The following TRAF3IP1 variants were observed in gnomAD, a reference collection of about 807,000 sequenced individuals.
TRAF3IP1 encodes intraflagellar transport 54.
Under a neutral mutation model 89.9 loss-of-function variants are expected in TRAF3IP1, and 53 were observed. The observed-to-expected ratio is 0.59, with a 90% CI of 0.47 to 0.74. The LOEUF (loss-of-function observed/expected upper bound fraction) is 0.74, where lower values mean the gene tolerates loss of function less well. TRAF3IP1 is among the 30% of genes least tolerant of loss of function. The pLI, the probability that TRAF3IP1 is intolerant of heterozygous loss-of-function variation, is 0.00. For synonymous variants in TRAF3IP1, 311 were observed against 322.1 expected, an observed-to-expected ratio of 0.97 and a Z score of 0.37; for missense variants, 806 against 866.1, an observed-to-expected ratio of 0.93 and a Z score of 0.87.
At chr2:238,377,717 G>T in intron 15 of TRAF3IP1, among the ~76,000 whole-genome samples, 1 of 152,040 alleles carries the variant, frequency 6.6e-6, no homozygotes, top group East Asian at 1.9e-4. Flanking sequence ...AGAATGAATT[G>T]AGGATATTCT....
intron 10 of TRAF3IP1, among the ~76,000 whole-genome samples, chr2:238,347,878 C>T (rs867961942): frequency 1.3e-4 from 20 of 152,128 alleles, no homozygotes; most frequent in Middle Eastern, 3.2e-3. Flanking sequence ...CCACCTGCCT[C>T]GGCCTCCCAA....
chr2:238,321,962 C>G (rs1297307780), intron 1 of TRAF3IP1, among the ~76,000 whole-genome samples: 1 of 152,204 alleles, frequency 6.6e-6, no homozygotes, highest in African/African-American at 2.4e-5. Context: ...GAGCGTGTGC[C>G]TCTGTGTTAA....
chr2:238,322,800 T>C (rs1697623178), intron 1 of TRAF3IP1, among the ~76,000 whole-genome samples: 1 of 150,388 alleles, frequency 6.6e-6, no homozygotes. Flanking sequence ...TCTTCTCCCA[T>C]AGACTTCCTC....
chr2:238,392,179 TGGGCA>T (rs1271744429), intron 15 of TRAF3IP1, among the ~76,000 whole-genome samples: 1 of 152,166 alleles, frequency 6.6e-6, no homozygotes, highest in Non-Finnish European at 1.5e-5. Flanking sequence ...GCGTTCAGCC[TGGGCA>T]ACACAGTGAA....
chr2:238,366,570 ATGAT>A (rs1190653411), intron 15 of TRAF3IP1, among the ~76,000 whole-genome samples: 2 of 152,200 alleles, frequency 1.3e-5, no homozygotes, highest in African/African-American at 2.4e-5. Flanking sequence ...TACTCAGTGA[ATGAT>A]AATATAATCA....
At chr2:238,383,756 C>G (rs1443026536) in intron 15 of TRAF3IP1, among the ~76,000 whole-genome samples, 1 of 152,140 alleles carries the variant, frequency 6.6e-6, no homozygotes, top group Non-Finnish European at 1.5e-5. Context: ...GGAGCTAAAC[C>G]CGTTTTATTA....
intron 6 of TRAF3IP1, among the ~76,000 whole-genome samples, chr2:238,333,623 G>A (rs968878250): frequency 3.3e-5 from 5 of 152,172 alleles, no homozygotes; most frequent in African/African-American, 1.2e-4. Flanking sequence ...GCTTACAAGT[G>A]CATTTAAGTA....
At chr2:238,331,477 A>AAAC (rs978138915) in intron 5 of TRAF3IP1, among the ~76,000 whole-genome samples, 6 of 152,136 alleles carry the variant, frequency 3.9e-5, no homozygotes, top group African/African-American at 1.2e-4. Flanking sequence ...ACTCCGTCTC[A>AAAC]AACAACAACA....
chr2:238,338,764 CAT>C (rs1698501306), intron 8 of TRAF3IP1, among the ~76,000 whole-genome samples: 1 of 152,228 alleles, frequency 6.6e-6, no homozygotes, highest in Non-Finnish European at 1.5e-5. Flanking sequence ...TGGCTGATGA[CAT>C]AGAGAAACGG....
intron 15 of TRAF3IP1, among the ~76,000 whole-genome samples, chr2:238,376,826 C>T (rs939660038): frequency 6.6e-6 from 1 of 152,322 alleles, no homozygotes; most frequent in Admixed American, 6.5e-5. Flanking sequence ...TGAGTCTTTT[C>T]TGTTTTCTTC....
chr2:238,379,113 C>T lies in TRAF3IP1; in HGVS notation c.1690-18346C>T, dbSNP rs1344834051. On this transcript the variant is annotated intron_variant, in intron 15 of 16. Transcript: ENST00000373327. The surrounding 1 kb of genome is among the most constrained non-coding windows in gnomAD (Gnocchi z 4.0). ...GTTCTCCTTGTTTCCTGTCGACTCA[C>T]TCTTTGGTCGTCTGTGTGTCACTGG... Among the ~76,000 whole-genome samples the T allele has an allele frequency of 6.6e-6, 1 of 152,210 alleles. No homozygotes were observed. Among genetic ancestry groups the T allele is most frequent in the Non-Finnish European group, 1.5e-5 (1 of 68,044 alleles).
intron 3 of TRAF3IP1, among the ~76,000 whole-genome samples, chr2:238,326,634 T>TC (rs1697847818): frequency 6.6e-6 from 1 of 152,164 alleles, no homozygotes; most frequent in African/African-American, 2.4e-5. Context: ...CCCAGGGTCT[T>TC]CCTTCTTTTG....
chr2:238,363,650 C>A (rs1178427755), intron 15 of TRAF3IP1, among the ~76,000 whole-genome samples: 2 of 152,116 alleles, frequency 1.3e-5, no homozygotes, highest in African/African-American at 4.8e-5. Flanking sequence ...GTTGATTTCA[C>A]AGAGAGGCAA....
chr2:238,341,546 T>A (rs71402781), intron 8 of TRAF3IP1, among the ~76,000 whole-genome samples: 1,515 of 137,548 alleles, frequency 0.011, 6 homozygotes, highest in Non-Finnish European at 0.015. Context: ...TTTTTTTTTT[T>A]AAAAAAAAAA....
intron 15 of TRAF3IP1, 159 bp from the exon 16 acceptor site, chr2:238,397,300 A>T: frequency 1.6e-6 from 1 of 625,750 alleles, no homozygotes; most frequent in Non-Finnish European, 2.8e-6. Context: ...GTTAGGCAGC[A>T]TGGCTCTCCC....
chr2:238,385,575 G>A (rs1478799535), intron 15 of TRAF3IP1, among the ~76,000 whole-genome samples: 21 of 152,198 alleles, frequency 1.4e-4, no homozygotes, highest in Non-Finnish European at 4.4e-5. Flanking sequence ...CTACAGTCAG[G>A]AACAAGGGTG....
At chr2:238,331,064 C>T (rs1014769105) in intron 5 of TRAF3IP1, among the ~76,000 whole-genome samples, 2 of 152,140 alleles carry the variant, frequency 1.3e-5, no homozygotes, top group African/African-American at 2.4e-5. Context: ...TAACCTTCCT[C>T]AGCTCACAAA....
rs1348220349 is a variant in TRAF3IP1, at chr2:238,334,055, T to G, written c.1063+20T>G. ...TGGAAGGTACTGCAAAACTTATATATGTAGCTGAAAATATGGATATTAGTT... is the reference window on the plus strand; with the variant it reads ...TGGAAGGTACTGCAAAACTTATATAGGTAGCTGAAAATATGGATATTAGTT... On this transcript the variant is annotated intron_variant, in intron 7 of 16. Coordinates refer to ENST00000373327, the MANE Select transcript of TRAF3IP1 (RefSeq NM_015650.4). The G allele has an allele frequency of 6.3e-7, 1 of 1,575,950 alleles. No homozygotes were observed. Among genetic ancestry groups the G allele is most frequent in the Non-Finnish European group, 8.6e-7 (1 of 1,157,308 alleles).
At chr2:238,320,858 C>T (rs762562435) in intron 1 of TRAF3IP1, 73 bp downstream of exon 1, 1 of 1,180,472 alleles carries the variant, frequency 8.5e-7, no homozygotes. Context: ...GGGCCCGGGC[C>T]GGGTGGCGCC....
Sources: allele counts gnomAD v4.1 joint callset (sites outside exome capture counted in the v4.1 genomes callset), GRCh38; gene constraint gnomAD v4.1.1; non-coding constraint Gnocchi (gnomAD v3.1); transcripts MANE v1.5; gene names NCBI Gene and HGNC (gene_info 2026-07-23, HGNC 2026-07-21).